SORCS2: variants seen among roughly 807,000 people sequenced by gnomAD.
SORCS2 encodes sortilin related VPS10 domain containing receptor 2.
Under a neutral mutation model 141.6 loss-of-function variants are expected in SORCS2, and 100 were observed. The observed-to-expected ratio is 0.71, with a 90% CI of 0.60 to 0.83. The LOEUF (loss-of-function observed/expected upper bound fraction) is 0.83, where lower values mean the gene tolerates loss of function less well. Ranked by LOEUF, SORCS2 falls within the 40% of genes least tolerant of loss-of-function variation. The pLI is 0.00. For synonymous variants in SORCS2, 789 were observed against 676.9 expected (o/e 1.17, Z -2.57); for missense variants, 1,646 against 1,560.2 (o/e 1.05, Z -0.93).
intron 1 of SORCS2, among the ~76,000 whole-genome samples, chr4:7,387,841 C>CAGAT (rs1254885393): frequency 6.8e-6 from 1 of 146,732 alleles, no homozygotes; most frequent in African/African-American, 2.5e-5. Context: ...CACATACATA[C>CAGAT]ACATGCACAC....
intron 13 of SORCS2, 65 bp downstream of exon 13, chr4:7,703,436 A>G (rs970696043): frequency 3.1e-6 from 4 of 1,309,294 alleles, no homozygotes; most frequent in African/African-American, 1.5e-5. Context: ...CCACCTGGGA[A>G]CCCTCTCAGA....
chr4:7,640,129 G>T (rs1720588893), intron 4 of SORCS2, among the ~76,000 whole-genome samples: 1 of 148,484 alleles, frequency 6.7e-6, no homozygotes. Context: ...ATGTTAGCGA[G>T]TGTGAGTGTA....
chr4:7,574,911 C>A (rs1715648451), intron 3 of SORCS2, among the ~76,000 whole-genome samples: 1 of 152,232 alleles, frequency 6.6e-6, no homozygotes, highest in Non-Finnish European at 1.5e-5. Context: ...TTCTGCAGGG[C>A]AGAAAAGTCG....
intron 2 of SORCS2, among the ~76,000 whole-genome samples, chr4:7,466,759 C>G (rs898066188): frequency 7.2e-5 from 11 of 152,182 alleles, no homozygotes; most frequent in African/African-American, 2.4e-4. Context: ...AGACTCCCAG[C>G]TTTCTGGCTG....
chr4:7,656,515 C>T (rs1467306892), intron 5 of SORCS2, among the ~76,000 whole-genome samples: 2 of 152,238 alleles, frequency 1.3e-5, no homozygotes, highest in East Asian at 1.9e-4. Flanking sequence ...GGTCTCATGT[C>T]ACAGGAGGGA....
rs1230084329 is a variant in SORCS2 at position 7,716,713 on chromosome 4, A to G, written c.2253-1299A>G. ...CATCCATCCATCCATCCATCTACTT[A>G]TCTACCCATCTGTCTACCCATGCAC... On this transcript the variant is annotated intron_variant, in intron 17 of 26. Transcript: ENST00000507866. Among the ~76,000 whole-genome samples, 5 of 152,168 alleles carry G rather than the reference A, an allele frequency of 3.3e-5. No individual in the cohort carries two copies. The South Asian group carries it at 8.3e-4, about 25-fold the overall frequency.
At chr4:7,487,807 G>A (rs4234818) in intron 2 of SORCS2, among the ~76,000 whole-genome samples, 63,956 of 151,968 alleles carry the variant, frequency 0.42, 14,462 homozygotes, top group East Asian at 0.7. Context: ...CGGTACCGAG[G>A]GCTCTGGCTG....
At chr4:7,596,278 G>T (rs1325067580) in intron 3 of SORCS2, among the ~76,000 whole-genome samples, 4 of 152,224 alleles carry the variant, frequency 2.6e-5, no homozygotes, top group African/African-American at 9.6e-5. Flanking sequence ...ACAATGGCCA[G>T]CTTGGCTGGC....
intron 2 of SORCS2, among the ~76,000 whole-genome samples, chr4:7,530,866 C>T (rs1377118963): frequency 6.6e-6 from 1 of 152,184 alleles, no homozygotes; most frequent in Non-Finnish European, 1.5e-5. Flanking sequence ...AGTGGACAGC[C>T]CTGTCTCCCA....
At chr4:7,420,745 A>C (rs112608043) in intron 2 of SORCS2, among the ~76,000 whole-genome samples, 1 of 152,164 alleles carries the variant, frequency 6.6e-6, no homozygotes, top group African/African-American at 2.4e-5. Context: ...CGTGGGATTC[A>C]GGACCCACAC....
intron 2 of SORCS2, among the ~76,000 whole-genome samples, chr4:7,506,859 A>C (rs967087087): frequency 6.6e-6 from 1 of 152,210 alleles, no homozygotes; most frequent in Non-Finnish European, 1.5e-5. Context: ...CAAAACAACA[A>C]ACAAATGAAA....
intron 1 of SORCS2, among the ~76,000 whole-genome samples, chr4:7,296,648 C>T (rs1347200891): frequency 6.6e-6 from 1 of 152,242 alleles, no homozygotes; most frequent in South Asian, 2.1e-4. Flanking sequence ...CAGTTTTCCT[C>T]TCCATCATTT....
At chr4:7,701,989 CCCACATGGCACGAAGTTG>C (rs1725117877) in intron 12 of SORCS2, among the ~76,000 whole-genome samples, 1 of 138,562 alleles carries the variant, frequency 7.2e-6, no homozygotes, top group African/African-American at 2.6e-5. Context: ...CTTATCCCGC[CCCACATGGCACGAAGTTG>C]CTGCATGCTT....
At chr4:7,510,641 G>T (rs1185035329) in intron 2 of SORCS2, among the ~76,000 whole-genome samples, 1 of 151,316 alleles carries the variant, frequency 6.6e-6, no homozygotes, top group Non-Finnish European at 1.5e-5. Flanking sequence ...CCGGCGCCTT[G>T]TTCTGGGTGC....
Position 7,192,686 on chromosome 4 carries a change from G to A in SORCS2, c.40G>A (p.Gly14Ser). Residue 14 changes from glycine to serine, a missense_variant, in exon 1 of 27, where the codon GGC becomes AGC. By Grantham distance (56) the Gly-to-Ser change is moderately conservative. Transcript: ENST00000507866. This position sits in a 1 kb window ranked among gnomAD's most constrained non-coding sequence, Gnocchi z 4.0. The part of the protein sequence containing the change: ...RGPSRASKGP[G>S]PTARAPSPGA... ...GCCCTCGCGCGCCTCGAAGGGCCCC[G>A]GCCCCACCGCCCGAGCCCCGAGCCC... is the stretch of plus-strand genomic sequence containing the variant. 2.0e-6 allele frequency: 2 copies of A among 988,782 alleles called. No homozygotes were observed. The highest frequency in any genetic ancestry group is 2.4e-6 in the Non-Finnish European group (2 of 833,628). 61.3% of individuals were successfully genotyped at this position (988,782 alleles called of 1,614,324 possible). A position where few individuals can be genotyped will look rare whatever the true frequency, so the allele number is the denominator to read the frequency against.
chr4:7,482,203 G>A (rs1368197610), intron 2 of SORCS2, among the ~76,000 whole-genome samples: 1 of 43,578 alleles, frequency 2.3e-5, no homozygotes, highest in African/African-American at 1.1e-4. Context: ...CACCCCTGAC[G>A]CTGTTCAGAC....
At chr4:7,379,673 A>G (rs3864219) in intron 1 of SORCS2, among the ~76,000 whole-genome samples, 150,791 of 152,296 alleles carry the variant, frequency 0.99, 74,666 homozygotes, top group East Asian at 1. Flanking sequence ...GCCCAAATGA[A>G]GGAGAACCTT....
At chr4:7,244,270 G>C (rs529760898) in intron 1 of SORCS2, among the ~76,000 whole-genome samples, 51 of 152,290 alleles carry the variant, frequency 3.3e-4, no homozygotes, top group African/African-American at 9.1e-4. Flanking sequence ...AACAAGCTTG[G>C]GGGGTGAGTT....
chr4:7,230,877 C>T (rs1368599763), intron 1 of SORCS2, among the ~76,000 whole-genome samples: 1 of 152,060 alleles, frequency 6.6e-6, no homozygotes, highest in Non-Finnish European at 1.5e-5. Flanking sequence ...CTTCGAGTCT[C>T]TGGGCAGGAG....
Sources: gnomAD v4.1 joint callset for allele counts (sites outside exome capture counted in the v4.1 genomes callset) on GRCh38, gnomAD v4.1.1 for gene constraint, Gnocchi (gnomAD v3.1) non-coding constraint, MANE v1.5 for transcripts, NCBI Gene and HGNC (gene_info 2026-07-23, HGNC 2026-07-21) for gene names.